Variants in RBFOX1 observed in about 807,000 individuals in gnomAD.
RBFOX1 encodes the protein RNA binding fox-1 homolog 1.
A neutral mutation model predicts 57.7 loss-of-function variants in RBFOX1; 8 were observed. The observed-to-expected ratio is 0.14, with a 90% CI of 0.08 to 0.25. The LOEUF (loss-of-function observed/expected upper bound fraction) is 0.25, where lower values mean the gene tolerates loss of function less well. Among genes scored for constraint, RBFOX1 ranks in the 10% least tolerant of loss-of-function variants. The pLI, the probability that RBFOX1 is intolerant of heterozygous loss-of-function variation, is 1.00. For missense variants in RBFOX1, 611 were observed against 548.5 expected, an observed-to-expected ratio of 1.11 and a Z score of -1.14; for synonymous variants, 326 against 222.4, an observed-to-expected ratio of 1.47 and a Z score of -4.15.
At chr16:6,933,852 A>T (rs1267322238) in intron 3 of RBFOX1, among the ~76,000 whole-genome samples, 1 of 152,228 alleles carries the variant, frequency 6.6e-6, no homozygotes, top group Non-Finnish European at 1.5e-5. Flanking sequence ...TAAGAAATCA[A>T]TAATTGGGAT....
intron 2 of RBFOX1, among the ~76,000 whole-genome samples, chr16:6,369,185 A>G (rs2090085577): frequency 6.6e-6 from 1 of 152,232 alleles, no homozygotes; most frequent in African/African-American, 2.4e-5. Context: ...TAGGAAGCAG[A>G]TACATCTTGT....
intron 11 of RBFOX1, among the ~76,000 whole-genome samples, chr16:7,646,953 T>G (rs1482572779): frequency 6.6e-6 from 1 of 151,894 alleles, no homozygotes; most frequent in Non-Finnish European, 1.5e-5. Context: ...GGGGGCTTTG[T>G]TTTTGAGGGG....
chr16:6,864,465 G>A (rs2059563912), intron 3 of RBFOX1, among the ~76,000 whole-genome samples: 1 of 150,868 alleles, frequency 6.6e-6, no homozygotes, highest in South Asian at 2.1e-4. Flanking sequence ...GCCCGAAAAA[G>A]TATAAATGAC....
chr16:5,487,665 G>T (rs2042674111), intron 2 of RBFOX1, among the ~76,000 whole-genome samples: 1 of 152,160 alleles, frequency 6.6e-6, no homozygotes, highest in Admixed American at 6.6e-5. Context: ...AAAAAGCAAG[G>T]CACAACTAAT....
At chr16:6,996,490 C>T (rs537342508) in intron 3 of RBFOX1, among the ~76,000 whole-genome samples, 22 of 152,242 alleles carry the variant, frequency 1.4e-4, no homozygotes, top group African/African-American at 3.1e-4. Context: ...TATCTGGACA[C>T]GCATATTTGT....
rs1358254154 is a variant in RBFOX1, at chr16:6,838,134, G to A, written c.-16+183484G>A. Among the ~76,000 whole-genome samples, 5 of 152,022 alleles carry A rather than the reference G, an allele frequency of 3.3e-5. No homozygotes were observed. In the East Asian group the frequency reaches 9.7e-4, roughly 29 times the overall value. On this transcript the variant is annotated intron_variant, in intron 3 of 15. Transcript: ENST00000550418. ...TATCAACCTGTTGTCTAGGTTTAAA[G>A]CCCCACATGCATTAAGTATTTGTCC...
intron 3 of RBFOX1, among the ~76,000 whole-genome samples, chr16:6,859,196 T>C (rs60991945): frequency 0.011 from 1,024 of 95,236 alleles, 33 homozygotes; most frequent in African/African-American, 0.034. Context: ...TATATATATA[T>C]GTATATATAT....
At chr16:6,770,971 T>A (rs1435882611) in intron 3 of RBFOX1, among the ~76,000 whole-genome samples, 1 of 152,130 alleles carries the variant, frequency 6.6e-6, no homozygotes, top group Non-Finnish European at 1.5e-5. Context: ...ATTCAAATGC[T>A]CAAATTCTCA....
intron 1 of RBFOX1, among the ~76,000 whole-genome samples, chr16:6,257,374 A>G (rs1296688841): frequency 2.0e-5 from 3 of 152,112 alleles, no homozygotes; most frequent in Admixed American, 2.0e-4. Flanking sequence ...TCCCCATTCA[A>G]ATTAAAAGAC....
At chr16:5,836,672 T>C (rs940328670) in intron 3 of RBFOX1, among the ~76,000 whole-genome samples, 2 of 152,172 alleles carry the variant, frequency 1.3e-5, no homozygotes, top group Non-Finnish European at 2.9e-5. Context: ...TTATTCTTTG[T>C]TGCGGGGGAG....
intron 4 of RBFOX1, among the ~76,000 whole-genome samples, chr16:7,349,103 A>C (rs1352224291): frequency 6.6e-6 from 1 of 152,298 alleles, no homozygotes; most frequent in East Asian, 1.9e-4. Flanking sequence ...ACCACGATGG[A>C]GGTGTGGTTG....
At chr16:6,883,564 A>G (rs955491731) in intron 3 of RBFOX1, among the ~76,000 whole-genome samples, 1 of 152,220 alleles carries the variant, frequency 6.6e-6, no homozygotes, top group African/African-American at 2.4e-5. Context: ...GTAACTGCTC[A>G]GCTTACCTTT....
chr16:5,851,730 T>C (rs1176589585), intron 3 of RBFOX1, among the ~76,000 whole-genome samples: 1 of 152,238 alleles, frequency 6.6e-6, no homozygotes, highest in Non-Finnish European at 1.5e-5. Context: ...GTAAATACTG[T>C]GTCCTTTTAA....
At chr16:6,694,246 T>G (rs1457280594) in intron 3 of RBFOX1, among the ~76,000 whole-genome samples, 1 of 152,212 alleles carries the variant, frequency 6.6e-6, no homozygotes, top group African/African-American at 2.4e-5. Context: ...GATTCTCCAA[T>G]TTTGTTAAAT....
At chr16:7,569,402 C>T (rs2092529917) in intron 5 of RBFOX1, among the ~76,000 whole-genome samples, 1 of 152,156 alleles carries the variant, frequency 6.6e-6, no homozygotes, top group African/African-American at 2.4e-5. Context: ...GCCCCTTTCC[C>T]CATCTTCAAA....
At chr16:7,473,047 G>T (rs975132571) in intron 4 of RBFOX1, among the ~76,000 whole-genome samples, 7 of 152,100 alleles carry the variant, frequency 4.6e-5, no homozygotes, top group African/African-American at 1.7e-4. Flanking sequence ...GAATGTCTCT[G>T]TCCAAGGGTT....
intron 1 of RBFOX1, among the ~76,000 whole-genome samples, chr16:6,209,996 T>A (rs911761296): frequency 9.2e-5 from 14 of 152,026 alleles, no homozygotes; most frequent in Admixed American, 7.9e-4. Flanking sequence ...ATATTTCTTC[T>A]CCATCTAGGA....
chr16:6,745,413 C>T (rs933341558), intron 3 of RBFOX1, among the ~76,000 whole-genome samples: 1 of 151,988 alleles, frequency 6.6e-6, no homozygotes, highest in Admixed American at 6.6e-5. Context: ...AAACAACAAG[C>T]AAATGAAATC....
At chr16:6,931,796 A>G (rs1468496475) in intron 3 of RBFOX1, among the ~76,000 whole-genome samples, 1 of 152,178 alleles carries the variant, frequency 6.6e-6, no homozygotes, top group African/African-American at 2.4e-5. Context: ...TTTATAAAGA[A>G]AAATAAGTTT....
Sources: gnomAD v4.1 joint callset for allele counts (sites outside exome capture counted in the v4.1 genomes callset) on GRCh38, gnomAD v4.1.1 for gene constraint, MANE v1.5 for transcripts, NCBI Gene and HGNC (gene_info 2026-07-23, HGNC 2026-07-21) for gene names.